CDKAL1: variants seen among roughly 807,000 people sequenced by gnomAD.
The protein encoded by CDKAL1 is threonylcarbamoyladenosine tRNA methylthiotransferase.
CDKAL1 carries 32 observed loss-of-function variants against 68.2 expected under a neutral mutation model. The ratio of observed to expected loss-of-function variants is 0.47; its 90% CI spans 0.35 to 0.63. The LOEUF is 0.63. Among genes scored for constraint, CDKAL1 ranks in the 30% least tolerant of loss-of-function variants. The pLI, the probability that CDKAL1 is intolerant of heterozygous loss-of-function variation, is 0.00. For missense variants in CDKAL1, 606 were observed against 696.7 expected (o/e 0.87, Z 1.47); for synonymous variants, 234 against 244.3 (o/e 0.96, Z 0.39).
At chr6:20,777,210 A>T (rs2150369829) in intron 7 of CDKAL1, among the ~76,000 whole-genome samples, 1 of 152,372 alleles carries the variant, frequency 6.6e-6, no homozygotes, top group East Asian at 1.9e-4. Context: ...AAAGTTTGTC[A>T]GGCAGAAAAG....
intron 4 of CDKAL1, among the ~76,000 whole-genome samples, chr6:20,589,681 CT>C (rs1765514028): frequency 6.6e-6 from 1 of 152,032 alleles, no homozygotes. Flanking sequence ...ACTAAAAGTA[CT>C]TTTGTAATTA....
chr6:20,695,359 T>A (rs1771063404), intron 5 of CDKAL1, among the ~76,000 whole-genome samples: 1 of 152,200 alleles, frequency 6.6e-6, no homozygotes, highest in African/African-American at 2.4e-5. Context: ...TAGCCTCTCT[T>A]TTTGTTACAC....
chr6:20,721,631 A>G (rs949188411), intron 5 of CDKAL1, among the ~76,000 whole-genome samples: 5 of 151,626 alleles, frequency 3.3e-5, no homozygotes, highest in African/African-American at 4.9e-5. Flanking sequence ...TTTTTGAGCA[A>G]TCTCCATACT....
intron 13 of CDKAL1, among the ~76,000 whole-genome samples, chr6:21,171,350 T>C (rs938213334): frequency 6.6e-6 from 1 of 151,996 alleles, no homozygotes; most frequent in African/African-American, 2.4e-5. Flanking sequence ...GTAGCTGGGA[T>C]TACAGGCGCC....
intron 8 of CDKAL1, among the ~76,000 whole-genome samples, chr6:20,827,351 G>GGC (rs1466642026): frequency 2.0e-5 from 3 of 152,166 alleles, no homozygotes; most frequent in Admixed American, 6.6e-5. Flanking sequence ...AACAGTACCT[G>GGC]GCGCTGCCCT....
At position 20,649,165 on chromosome 6, in the gene CDKAL1, T is replaced by C; in HGVS notation, c.287-128T>C. The C allele has an allele frequency of 6.1e-6, 4 of 655,522 alleles. No homozygotes were observed. The South Asian group carries it at 6.9e-5, about 11-fold the overall frequency. The allele number at this position is 655,522 out of a possible 1,614,324, so 40.6% of individuals were successfully genotyped here. A position where few individuals can be genotyped will look rare whatever the true frequency, so the allele number is the denominator to read the frequency against. ...CATGTTCTAGCAATTTTCTACTGTG[T>C]TGTAATTGCCTGTTCATTTTACTCC... On this transcript the variant is annotated intron_variant, in intron 4 of 15. Coordinates refer to ENST00000274695, the MANE Select transcript of CDKAL1 (RefSeq NM_017774.3).
chr6:20,587,682 A>G (rs1319017449), intron 4 of CDKAL1, among the ~76,000 whole-genome samples: 2 of 152,146 alleles, frequency 1.3e-5, no homozygotes, highest in Non-Finnish European at 2.9e-5. Flanking sequence ...GCAGTGAGCC[A>G]TGATCATGCC....
intron 8 of CDKAL1, among the ~76,000 whole-genome samples, chr6:20,843,194 C>T (rs1181222145): frequency 6.6e-6 from 1 of 152,024 alleles, no homozygotes; most frequent in Admixed American, 6.6e-5. Flanking sequence ...TTAATAGTCA[C>T]ATTAACCTAC....
intron 11 of CDKAL1, among the ~76,000 whole-genome samples, chr6:21,056,004 C>T (rs969323866): frequency 5.3e-5 from 8 of 152,162 alleles, no homozygotes; most frequent in South Asian, 2.1e-4. Flanking sequence ...TAAAAGCATT[C>T]GTATTTCTCC....
chr6:20,952,483 C>T (rs1468534858), intron 9 of CDKAL1, among the ~76,000 whole-genome samples: 1 of 152,162 alleles, frequency 6.6e-6, no homozygotes, highest in Non-Finnish European at 1.5e-5. Flanking sequence ...GTCAGTGTCC[C>T]CTTGCCAGCT....
chr6:20,763,034 G>A (rs564633189), intron 7 of CDKAL1, among the ~76,000 whole-genome samples: 122 of 152,286 alleles, frequency 8.0e-4, no homozygotes, highest in Non-Finnish European at 1.5e-3. Flanking sequence ...GTCCTCCACA[G>A]AAGTGGATAT....
chr6:20,817,060 T>C (rs945979239), intron 8 of CDKAL1, among the ~76,000 whole-genome samples: 3 of 152,138 alleles, frequency 2.0e-5, no homozygotes, highest in African/African-American at 7.2e-5. Flanking sequence ...TTTCTTTAAC[T>C]CCTGTAATGC....
intron 14 of CDKAL1, 64 bp downstream of exon 14, chr6:21,198,168 C>A: frequency 1.8e-6 from 2 of 1,129,618 alleles, no homozygotes; most frequent in South Asian, 1.5e-5. Flanking sequence ...AAAGTTTAAG[C>A]AAAGGGCATT....
chr6:21,041,085 T>C lies in CDKAL1; in HGVS notation c.1056-23963T>C, dbSNP rs143430573. Among the ~76,000 whole-genome samples the C allele has an allele frequency of 2.0e-4, 30 of 152,308 alleles. No individual in the cohort carries two copies. In the East Asian group the frequency reaches 5.4e-3, roughly 27 times the overall value. ...GATCAAGGATAAGAAACAAAATCTA[T>C]ATATGCATACCTTTTTCTTGCATTT... On this transcript the variant is annotated intron_variant, in intron 11 of 15. Coordinates refer to ENST00000274695, the MANE Select transcript of CDKAL1 (RefSeq NM_017774.3).
intron 4 of CDKAL1, among the ~76,000 whole-genome samples, chr6:20,604,948 A>G (rs1424058288): frequency 6.6e-6 from 1 of 152,180 alleles, no homozygotes; most frequent in African/African-American, 2.4e-5. Flanking sequence ...TTGGACTTCA[A>G]GGGGATAGTG....
chr6:20,767,232 C>G (rs1774741083), intron 7 of CDKAL1, among the ~76,000 whole-genome samples: 1 of 152,076 alleles, frequency 6.6e-6, no homozygotes, highest in Non-Finnish European at 1.5e-5. Flanking sequence ...TAGATACTAG[C>G]AGCTTCACTG....
chr6:21,067,428 G>A (rs1044336911), intron 12 of CDKAL1, among the ~76,000 whole-genome samples: 13 of 152,058 alleles, frequency 8.5e-5, no homozygotes, highest in Admixed American at 3.3e-4. Context: ...TACAGCATGC[G>A]TATATATATC....
intron 8 of CDKAL1, among the ~76,000 whole-genome samples, chr6:20,837,486 C>T (rs1426222148): frequency 6.6e-6 from 1 of 152,020 alleles, no homozygotes; most frequent in African/African-American, 2.4e-5. Context: ...TTCACTAATA[C>T]TCCTTTGCTT....
intron 4 of CDKAL1, among the ~76,000 whole-genome samples, chr6:20,625,888 C>T (rs113205610): frequency 0.017 from 2,660 of 152,188 alleles, 26 homozygotes; most frequent in Non-Finnish European, 0.026. Context: ...TAACTTATTA[C>T]TCTTTCTTAC....
Sources: gnomAD v4.1 joint callset for allele counts (sites outside exome capture counted in the v4.1 genomes callset) on GRCh38, gnomAD v4.1.1 for gene constraint, MANE v1.5 for transcripts, NCBI Gene and HGNC (gene_info 2026-07-23, HGNC 2026-07-21) for gene names.